Variants in SDK1 observed in about 807,000 individuals in gnomAD.
SDK1 encodes protein sidekick-1.
A neutral mutation model predicts 245.5 loss-of-function variants in SDK1; 157 were observed. The observed-to-expected ratio is 0.64, with a 90% CI of 0.56 to 0.73. The LOEUF is 0.73. SDK1 is among the 30% of genes least tolerant of loss of function. The pLI is 0.00. For synonymous variants in SDK1, 1,647 were observed against 1,278.5 expected, an observed-to-expected ratio of 1.29 and a Z score of -6.15; for missense variants, 3,583 against 3,002.3, an observed-to-expected ratio of 1.19 and a Z score of -4.52.
intron 1 of SDK1, among the ~76,000 whole-genome samples, chr7:3,379,803 C>A (rs1030902701): frequency 1.5e-5 from 1 of 65,944 alleles, no homozygotes; most frequent in Admixed American, 1.3e-4. Flanking sequence ...GTTCCAAAAT[C>A]CAAAACTTCT....
chr7:3,781,201 G>C (rs749986184), intron 4 of SDK1, among the ~76,000 whole-genome samples: 28 of 152,106 alleles, frequency 1.8e-4, no homozygotes, highest in Non-Finnish European at 3.1e-4. Context: ...CTGCCCAACT[G>C]TAGATCTCAA....
intron 5 of SDK1, among the ~76,000 whole-genome samples, chr7:3,911,591 C>G (rs1264701296): frequency 2.0e-5 from 3 of 152,202 alleles, no homozygotes; most frequent in Non-Finnish European, 4.4e-5. Flanking sequence ...CCTCTTAATG[C>G]TATGACCTTG....
chr7:3,482,861 A>C (rs1422625314), intron 1 of SDK1, among the ~76,000 whole-genome samples: 2 of 152,220 alleles, frequency 1.3e-5, no homozygotes, highest in Admixed American at 6.5e-5. Context: ...TTACGAAATA[A>C]TCTGTGTAAT....
At chr7:3,964,641 A>G (rs1781957560) in intron 9 of SDK1, among the ~76,000 whole-genome samples, 2 of 152,168 alleles carry the variant, frequency 1.3e-5, no homozygotes, top group African/African-American at 2.4e-5. Context: ...ATGGTTGTAT[A>G]ATACTGTTCT....
At chr7:3,735,335 C>G (rs1370720089) in intron 4 of SDK1, among the ~76,000 whole-genome samples, 2 of 152,128 alleles carry the variant, frequency 1.3e-5, no homozygotes, top group Non-Finnish European at 2.9e-5. Flanking sequence ...TCCCCTTCCC[C>G]CACAGCCCCA....
chr7:3,892,052 T>C (rs1341121279), intron 5 of SDK1, among the ~76,000 whole-genome samples: 1 of 152,182 alleles, frequency 6.6e-6, no homozygotes, highest in African/African-American at 2.4e-5. Flanking sequence ...TCTTTTTCTT[T>C]TTTTGCCGGG....
At chr7:3,800,557 A>G (rs1248666826) in intron 4 of SDK1, among the ~76,000 whole-genome samples, 3 of 151,660 alleles carry the variant, frequency 2.0e-5, no homozygotes, top group African/African-American at 4.8e-5. Context: ...AATTTTTTGT[A>G]TTTTTACTAG....
chr7:3,403,856 T>A (rs1318860139), intron 1 of SDK1, among the ~76,000 whole-genome samples: 1 of 106,250 alleles, frequency 9.4e-6, no homozygotes, highest in Non-Finnish European at 1.8e-5. Context: ...TATATATATA[T>A]ATATATATAT....
intron 1 of SDK1, among the ~76,000 whole-genome samples, chr7:3,609,931 C>A (rs926414774): frequency 1.4e-5 from 2 of 146,614 alleles, no homozygotes; most frequent in African/African-American, 2.5e-5. Flanking sequence ...AAACTCCTGA[C>A]CTCAGGTGAT....
At chr7:3,799,174 T>G (rs906071341) in intron 4 of SDK1, among the ~76,000 whole-genome samples, 1 of 152,332 alleles carries the variant, frequency 6.6e-6, no homozygotes, top group South Asian at 2.1e-4. Flanking sequence ...TTTTTGTTTC[T>G]TCTTATAAAC....
At chr7:4,073,758 C>T (rs754285118) in intron 20 of SDK1, among the ~76,000 whole-genome samples, 7 of 152,146 alleles carry the variant, frequency 4.6e-5, no homozygotes, top group Non-Finnish European at 8.8e-5. Context: ...AGAGCAGGGT[C>T]TCGTGCACCA....
intron 5 of SDK1, among the ~76,000 whole-genome samples, chr7:3,836,101 C>A (rs1780022997): frequency 6.6e-6 from 1 of 152,202 alleles, no homozygotes; most frequent in Admixed American, 6.5e-5. Context: ...AGCTTTCAAG[C>A]CACAGGCCTC....
At chr7:4,054,995 T>A (rs1779109564) in intron 19 of SDK1, among the ~76,000 whole-genome samples, 1 of 152,226 alleles carries the variant, frequency 6.6e-6, no homozygotes, top group Admixed American at 6.5e-5. Flanking sequence ...GGATTGACTT[T>A]GCTAGCACTT....
intron 1 of SDK1, among the ~76,000 whole-genome samples, chr7:3,569,279 C>T (rs746779912): frequency 6.6e-6 from 1 of 152,180 alleles, no homozygotes; most frequent in Non-Finnish European, 1.5e-5. Flanking sequence ...GGCAGATAGA[C>T]AAATGCTGAG....
intron 17 of SDK1, among the ~76,000 whole-genome samples, chr7:4,022,392 C>G (rs749407129): frequency 1.3e-5 from 2 of 152,140 alleles, no homozygotes; most frequent in Non-Finnish European, 2.9e-5. Context: ...TAATAAGGCC[C>G]TTGGATTGAG....
intron 5 of SDK1, among the ~76,000 whole-genome samples, chr7:3,943,974 C>G (rs1354073947): frequency 6.6e-6 from 1 of 152,212 alleles, no homozygotes; most frequent in Non-Finnish European, 1.5e-5. Context: ...AGAAATCCTC[C>G]TTTGACTCAG....
rs560634930 is a variant in SDK1 at position 4,026,649 on chromosome 7, G to C, written c.2602+9297G>C. Among the ~76,000 whole-genome samples, 2 of 152,314 alleles carry C rather than the reference G, an allele frequency of 1.3e-5. No homozygotes were observed. Among genetic ancestry groups the C allele is most frequent in the African/African-American group, 2.4e-5 (1 of 41,576 alleles). On this transcript the variant is annotated intron_variant, in intron 17 of 44. Transcript: ENST00000404826. This position sits in a 1 kb window ranked among gnomAD's most constrained non-coding sequence, Gnocchi z 4.1. ...AGTGTTAAAGTATTTTCTTCTGAAG[G>C]CCATCAGAAAAGAAACTTGAGCTTA... is the stretch of plus-strand genomic sequence containing the variant.
At chr7:3,757,212 A>C (rs1248370677) in intron 4 of SDK1, among the ~76,000 whole-genome samples, 1 of 152,026 alleles carries the variant, frequency 6.6e-6, no homozygotes, top group Admixed American at 6.6e-5. Flanking sequence ...CGGGGTTCCC[A>C]AAACCCCCTC....
At chr7:4,197,935 A>G (rs977837060) in intron 35 of SDK1, among the ~76,000 whole-genome samples, 7 of 152,240 alleles carry the variant, frequency 4.6e-5, no homozygotes, top group African/African-American at 1.7e-4. Context: ...CTCAGGTGAG[A>G]AAAAGCAAAG....
Sources: gnomAD v4.1 joint callset for allele counts (sites outside exome capture counted in the v4.1 genomes callset) on GRCh38, gnomAD v4.1.1 for gene constraint, Gnocchi (gnomAD v3.1) non-coding constraint, MANE v1.5 for transcripts, NCBI Gene and HGNC (gene_info 2026-07-23, HGNC 2026-07-21) for gene names.